The following ALS2 variants were observed in gnomAD, a reference collection of about 807,000 sequenced individuals.
ALS2 encodes alsin Rho guanine nucleotide exchange factor ALS2, also known as alsin.
Under a neutral mutation model 203.4 loss-of-function variants are expected in ALS2, and 117 were observed. That is an observed-to-expected ratio of 0.58 (90% CI 0.50 to 0.67). ALS2 has a LOEUF of 0.67. Among genes scored for constraint, ALS2 ranks in the 30% least tolerant of loss-of-function variants. The pLI is 0.00. For synonymous variants in ALS2, 718 were observed against 725.9 expected (o/e 0.99, Z 0.17); for missense variants, 1,715 against 1,989.4 (o/e 0.86, Z 2.62).
At chr2:201,742,836 C>T (rs2106047131) in intron 10 of ALS2, among the ~76,000 whole-genome samples, 1 of 152,224 alleles carries the variant, frequency 6.6e-6, no homozygotes, top group African/African-American at 2.4e-5. Context: ...CTTTGGGAGG[C>T]CGAGGCAGGC....
intron 6 of ALS2, 139 bp from the exon 7 acceptor site, chr2:201,753,381 T>C (rs1693185678): frequency 6.7e-6 from 5 of 744,772 alleles, no homozygotes; most frequent in Non-Finnish European, 1.2e-5. Flanking sequence ...GGATATATGG[T>C]CAATCTACTC....
At position 201,711,048 on chromosome 2, in the gene ALS2, CT is replaced by C. The variant is rs770096661; in HGVS notation, c.4064del (p.Gln1355ArgfsTer18). ...QTLESLEFIP[Q>X]HVGAFSVEKY... ...TCTCCACAGAGAAGGCACCAACATG[CT>C]GTGGAATGAATTCCAAACTCTCTAG... On this transcript the variant is annotated frameshift_variant, in exon 26 of 34. Coordinates refer to ENST00000264276, the MANE Select transcript of ALS2 (RefSeq NM_020919.4). LOFTEE classifies it high-confidence loss of function. 3 of 1,612,900 alleles carry C rather than the reference CT, an allele frequency of 1.9e-6. No individual in the cohort carries two copies. In the African/African-American group the frequency reaches 4.0e-5, roughly 22 times the overall value.
At chr2:201,744,469 A>G in intron 9 of ALS2, 40 bp from the exon 10 acceptor site, 1 of 1,566,942 alleles carries the variant, frequency 6.4e-7, no homozygotes, top group Admixed American at 1.7e-5. Context: ...TATAACATAT[A>G]ATTATGTTAC....
chr2:201,770,095 C>A (rs74841673), intron 1 of ALS2, among the ~76,000 whole-genome samples: 5,082 of 152,218 alleles, frequency 0.033, 95 homozygotes, highest in African/African-American at 0.052. Context: ...TAGTAATTAG[C>A]CTTTTGTAAA....
chr2:201,768,998 A>G, intron 1 of ALS2, 53 bp from the exon 2 acceptor site: 1 of 883,246 alleles, frequency 1.1e-6, no homozygotes, highest in Non-Finnish European at 1.7e-6. Context: ...TACCCCTCAG[A>G]CATTAAAAAA....
rs1407699450 is a variant in ALS2 at position 201,749,793 on chromosome 2, T to C, written c.1738-4A>G. The C allele has an allele frequency of 6.2e-7, 1 of 1,613,498 alleles. No individual in the cohort carries two copies. Among genetic ancestry groups the C allele is most frequent in the Non-Finnish European group, 8.5e-7 (1 of 1,179,494 alleles). On this transcript the variant is annotated splice_region_variant and splice_polypyrimidine_tract_variant and intron_variant, in intron 7 of 33. Coordinates refer to ENST00000264276, the MANE Select transcript of ALS2 (RefSeq NM_020919.4). ...TATTGCTACCCCATGAGTAAACCTATCAAAAAAACACAGAAAAGTAGCTAA... is the reference window on the plus strand; with the variant it reads ...TATTGCTACCCCATGAGTAAACCTACCAAAAAAACACAGAAAAGTAGCTAA...
intron 1 of ALS2, among the ~76,000 whole-genome samples, chr2:201,777,917 T>C (rs2106120185): frequency 6.6e-6 from 1 of 152,292 alleles, no homozygotes; most frequent in South Asian, 2.1e-4. Flanking sequence ...TAGTATTGAA[T>C]TGCATGAATA....
At chr2:201,780,604 C>T (rs948111610) in intron 1 of ALS2, among the ~76,000 whole-genome samples, 2 of 152,210 alleles carry the variant, frequency 1.3e-5, no homozygotes, top group Non-Finnish European at 2.9e-5. Flanking sequence ...ACTGCAGCGG[C>T]GCCCAGTCTG....
chr2:201,704,422 A>G (rs1479337104), intron 32 of ALS2, 32 bp downstream of exon 32: 1 of 1,613,318 alleles, frequency 6.2e-7, no homozygotes, highest in South Asian at 1.1e-5. Context: ...AAAAATAACG[A>G]CTCACTAATA....
intron 13 of ALS2, among the ~76,000 whole-genome samples, chr2:201,732,625 T>C (rs1437226682): frequency 6.6e-6 from 1 of 152,172 alleles, no homozygotes; most frequent in Non-Finnish European, 1.5e-5. Context: ...TTGGAGTCAT[T>C]ATAATTTTTC....
chr2:201,756,944 GAGA>G (rs779226899), intron 5 of ALS2, among the ~76,000 whole-genome samples: 2 of 152,176 alleles, frequency 1.3e-5, no homozygotes, highest in Admixed American at 6.5e-5. Context: ...TTGAGAAAAG[GAGA>G]AGAACCAACT....
chr2:201,723,220 A>G (rs1690922846), intron 22 of ALS2, 100 bp from the exon 23 acceptor site: 2 of 1,386,728 alleles, frequency 1.4e-6, no homozygotes, highest in Non-Finnish European at 2.1e-6. Flanking sequence ...ATCTTAAAAG[A>G]AGGAAAATAG....
intron 1 of ALS2, among the ~76,000 whole-genome samples, chr2:201,779,354 A>C (rs1453953845): frequency 2.0e-5 from 3 of 152,204 alleles, no homozygotes; most frequent in Non-Finnish European, 2.9e-5. Flanking sequence ...TTTTCTTGCT[A>C]TAATTATGAA....
intron 28 of ALS2, 88 bp downstream of exon 28, chr2:201,707,781 G>T: frequency 6.5e-7 from 1 of 1,533,658 alleles, no homozygotes; most frequent in Non-Finnish European, 8.9e-7. Context: ...AATAGATCTA[G>T]AGAACACACT....
intron 11 of ALS2, chr2:201,741,395 A>C: frequency 2.9e-6 from 1 of 340,238 alleles, no homozygotes; most frequent in Non-Finnish European, 5.6e-6. Flanking sequence ...TTTCTAAAGA[A>C]CCAGACTTAT....
intron 11 of ALS2, among the ~76,000 whole-genome samples, 180 bp from the exon 12 acceptor site, chr2:201,738,915 G>C (rs1397253421): frequency 1.3e-5 from 2 of 152,152 alleles, no homozygotes; most frequent in African/African-American, 4.8e-5. Flanking sequence ...GAGGTAAAGG[G>C]AGTGGTAGGG....
At chr2:201,771,042 A>ATTT (rs34578117) in intron 1 of ALS2, among the ~76,000 whole-genome samples, 2 of 104,406 alleles carry the variant, frequency 1.9e-5, no homozygotes, top group African/African-American at 3.6e-5. Context: ...GTATTTACAG[A>ATTT]TTTTTTTTTT....
intron 8 of ALS2, among the ~76,000 whole-genome samples, chr2:201,747,690 T>C (rs1164434326): frequency 1.3e-5 from 2 of 151,984 alleles, no homozygotes; most frequent in East Asian, 1.9e-4. Context: ...ACCTCATGAT[T>C]CGCCCGCCTC....
chr2:201,727,975 A>G (rs2106009991), intron 15 of ALS2, among the ~76,000 whole-genome samples, 200 bp from the exon 16 acceptor site: 1 of 152,222 alleles, frequency 6.6e-6, no homozygotes, highest in East Asian at 1.9e-4. Flanking sequence ...GGGCCTTGCC[A>G]TCTCTGCTGC....
Sources: allele counts gnomAD v4.1 joint callset (sites outside exome capture counted in the v4.1 genomes callset), GRCh38; gene constraint gnomAD v4.1.1; transcripts MANE v1.5; gene names NCBI Gene and HGNC (gene_info 2026-07-23, HGNC 2026-07-21).